The following HERC1 variants were observed in gnomAD, a reference collection of about 807,000 sequenced individuals.
The protein encoded by HERC1 is HECT and RLD domain containing E3 ubiquitin protein ligase family member 1.
In HERC1, 160 loss-of-function variants were observed where a neutral mutation model predicts 554.3. The ratio of observed to expected loss-of-function variants is 0.29; its 90% CI spans 0.25 to 0.33. The LOEUF is 0.33. HERC1 is among the 10% of genes least tolerant of loss of function. The pLI is 1.00. For synonymous variants in HERC1, 2,175 were observed against 2,131.7 expected (o/e 1.02, Z -0.56); for missense variants, 4,919 against 5,918.5 (o/e 0.83, Z 5.54).
Position 63,706,773 on chromosome 15 carries a change from C to A in HERC1, c.4636+7G>T. ...ATATTTACTATGTTCTTAATACTTACACTTACCTCTCTTTCTGTGAGATGC... is the reference window on the plus strand; with the variant it reads ...ATATTTACTATGTTCTTAATACTTAAACTTACCTCTCTTTCTGTGAGATGC... On this transcript the variant is annotated splice_region_variant and intron_variant, in intron 25 of 77. Transcript: ENST00000443617. 1.3e-6 allele frequency: 2 copies of A among 1,514,822 alleles called. No homozygotes were observed. Among genetic ancestry groups the A allele is most frequent in the Non-Finnish European group, 1.8e-6 (2 of 1,116,604 alleles). The allele number at this position is 1,514,822 out of a possible 1,614,324, so 93.8% of individuals were successfully genotyped here. A position where few individuals can be genotyped will look rare whatever the true frequency, so the allele number is the denominator to read the frequency against.
rs1018802211 is a variant in HERC1 at position 63,751,146 on chromosome 15, G to A, written c.1903-1355C>T. Among the ~76,000 whole-genome samples, 6 of 152,072 alleles carry A rather than the reference G, an allele frequency of 3.9e-5. No homozygotes were observed. In the East Asian group the frequency reaches 7.7e-4, roughly 19 times the overall value. ...TATCATATACACTCATGCACCATTC[G>A]GTCAATAGCAGACCACATTATACAA... On this transcript the variant is annotated intron_variant, in intron 8 of 77. Transcript: ENST00000443617.
intron 34 of HERC1, among the ~76,000 whole-genome samples, chr15:63,686,021 C>T (rs541254022): frequency 6.6e-6 from 1 of 152,310 alleles, no homozygotes; most frequent in Non-Finnish European, 1.5e-5. Flanking sequence ...CACTGAATCT[C>T]TAATGGGCTT....
At position 63,812,869 on chromosome 15, in the gene HERC1, G is replaced by A. The variant is rs370630668; in HGVS notation, c.-27+20958C>T. Among the ~76,000 whole-genome samples the A allele has an allele frequency of 5.7e-4, 86 of 152,190 alleles. 1 individual carries two copies. The highest frequency in any genetic ancestry group is 1.9e-3 in the African/African-American group (78 of 41,554). On this transcript the variant is annotated intron_variant, in intron 1 of 77. Coordinates refer to ENST00000443617, the MANE Select transcript of HERC1 (RefSeq NM_003922.4). Reference sequence around the variant, plus strand: ...GACATGCCACATTCCTAGATTCGAAGACTAAATATTATAAAATGTCAACTG... The same window carrying A: ...GACATGCCACATTCCTAGATTCGAAAACTAAATATTATAAAATGTCAACTG...
chr15:63,666,278 C>G (rs1046142024), intron 41 of HERC1, 78 bp downstream of exon 41: 3 of 1,376,848 alleles, frequency 2.2e-6, no homozygotes, highest in African/African-American at 2.9e-5. Context: ...GTTTCATAGC[C>G]TCTTAAAAGT....
chr15:63,707,758 A>G (rs140649190), intron 24 of HERC1, among the ~76,000 whole-genome samples: 3,846 of 151,894 alleles, frequency 0.025, 151 homozygotes, highest in African/African-American at 0.089. Flanking sequence ...GTGAAACCCC[A>G]TCTCCACTAA....
Position 63,729,632 on chromosome 15 carries a change from C to T in HERC1, c.2886G>A (p.Glu962=), listed in dbSNP as rs754961931. 3.2e-5 allele frequency: 51 copies of T among 1,613,764 alleles called. No homozygotes were observed. Among genetic ancestry groups the T allele is most frequent in the Non-Finnish European group, 4.2e-5 (49 of 1,179,742 alleles). The change falls in exon 15 of 78, where the codon GAG becomes GAA. Residue 962 remains glutamate (E), a synonymous_variant. Coordinates refer to ENST00000443617, the MANE Select transcript of HERC1 (RefSeq NM_003922.4). ...GAAATTTATCACTATTCTTTTCTAG[C>T]TCTCCAAATGCTTGATCCTAAAATG... ...LGFYTDQAFG[E]LEKNSDKFLL...
In HERC1 at chr15:63,665,915, T is replaced by A. The variant is rs777591041; in HGVS notation, c.8555+4A>T. On this transcript the variant is annotated splice_donor_region_variant and intron_variant, in intron 42 of 77. Transcript: ENST00000443617. ...GAACAAAAGTACAGAAACTGGAATT[T>A]CACCTTTCACTAAAACCTTCCTCCA... 1 of 1,604,972 alleles carries A rather than the reference T, an allele frequency of 6.2e-7. No homozygotes were observed. The highest frequency in any genetic ancestry group is 8.5e-7 in the Non-Finnish European group (1 of 1,173,000).
Position 63,615,887 on chromosome 15 carries a change from C to T in HERC1, c.13975G>A (p.Ala4659Thr). ...ATTATAGGAACCATTTTGCCATCAG[C>T]ACTCTGGCCAACAAAAGAATCAAGA... ...IPLDSFVGQS[A>T]DGKMVPIIPG... is the part of the protein sequence containing the mutation. Residue 4659 changes from alanine to threonine, a missense_variant, in exon 76 of 78, where the codon GCT becomes ACT. This residue lies in a region of HERC1 where 284 missense variants were observed against 294.1 expected (regional missense o/e 0.97). Coordinates refer to ENST00000443617, the MANE Select transcript of HERC1 (RefSeq NM_003922.4). 1 of 1,599,372 alleles carries T rather than the reference C, an allele frequency of 6.3e-7. No homozygotes were observed. The highest frequency in any genetic ancestry group is 8.5e-7 in the Non-Finnish European group (1 of 1,174,552).
chr15:63,646,052 T>C (rs528552721), intron 55 of HERC1, among the ~76,000 whole-genome samples: 7 of 152,338 alleles, frequency 4.6e-5, no homozygotes, highest in South Asian at 2.1e-4. Context: ...CTTAAAAAAA[T>C]GCACCCCTTA....
intron 73 of HERC1, 23 bp downstream of exon 73, chr15:63,623,702 C>A: frequency 8.1e-6 from 13 of 1,611,516 alleles, no homozygotes; most frequent in African/African-American, 2.7e-5. Flanking sequence ...GATAACTCAG[C>A]AGGGGACACT....
chr15:63,612,456 T>A lies in HERC1; in HGVS notation c.14195A>T (p.Glu4732Val). Reference sequence around the variant, plus strand: ...TTTCTTCAAGACTTCCACAGAGATCTCGGGCATCCCACACACCATCTGCTC... The same window carrying A: ...TTTCTTCAAGACTTCCACAGAGATCACGGGCATCCCACACACCATCTGCTC... Reference protein sequence around the residue: ...QLEQMVCGMPEISVEVLKKVV... With the variant: ...QLEQMVCGMPVISVEVLKKVV... Residue 4732 changes from glutamate (E) to valine (V), a missense_variant, in exon 77 of 78, where the codon GAG (glutamate) becomes GTG (valine). Physicochemically the swap from Glu to Val is moderately radical, Grantham distance 121. Around this residue, in one of 11 missense-constraint regions of HERC1, gnomAD observed 284 missense variants for 294.1 expected, o/e 0.97. Transcript: ENST00000443617. The surrounding 1 kb of genome is among the most constrained non-coding windows in gnomAD (Gnocchi z 5.0). 6.2e-7 allele frequency: 1 copy of A among 1,614,026 alleles called. No individual in the cohort carries two copies. Among genetic ancestry groups the A allele is most frequent in the South Asian group, 1.1e-5 (1 of 91,092 alleles).
At chr15:63,657,264 T>TG (rs1339506445) in intron 48 of HERC1, among the ~76,000 whole-genome samples, 1 of 150,172 alleles carries the variant, frequency 6.7e-6, no homozygotes, top group Non-Finnish European at 1.5e-5. Flanking sequence ...TCTTAGGTTT[T>TG]TTTTTTTTTT....
At chr15:63,698,583 A>C (rs1275844715) in intron 26 of HERC1, 145 bp downstream of exon 26, 1 of 751,828 alleles carries the variant, frequency 1.3e-6, no homozygotes, top group Admixed American at 2.9e-5. Flanking sequence ...GTTCTAGTGA[A>C]GAATGTTATG....
intron 12 of HERC1, among the ~76,000 whole-genome samples, chr15:63,739,359 G>A (rs1170838591): frequency 1.3e-5 from 2 of 151,660 alleles, no homozygotes; most frequent in Non-Finnish European, 2.9e-5. Context: ...CACAACGCCA[G>A]GCTAATTTTT....
Position 63,643,006 on chromosome 15 carries a change from G to A in HERC1, c.11384C>T (p.Thr3795Ile). 3.1e-6 allele frequency: 5 copies of A among 1,613,018 alleles called. No homozygotes were observed. The highest frequency in any genetic ancestry group is 4.2e-6 in the Non-Finnish European group (5 of 1,179,252). The part of the protein sequence containing the change: ...VVIGSGAIQT[T>I]VWIPEVGVAA... ...TACTCCAACTTCTGGAATCCATACT[G>A]TGGTCTGAATAGCTCCAGAGCCTAT... The change falls in exon 59 of 78, where the codon ACA (threonine) becomes ATA (isoleucine). Residue 3795 changes from threonine (T) to isoleucine (I), a missense_variant. By Grantham distance (89) the Thr-to-Ile change is moderately conservative. Coordinates refer to ENST00000443617, the MANE Select transcript of HERC1 (RefSeq NM_003922.4).
chr15:63,691,072 A>T (rs1344174636), intron 31 of HERC1, among the ~76,000 whole-genome samples: 1 of 152,210 alleles, frequency 6.6e-6, no homozygotes. Context: ...TCCAAAGCTC[A>T]TGCTTATTAT....
At chr15:63,799,806 C>G (rs1303877490) in intron 1 of HERC1, among the ~76,000 whole-genome samples, 2 of 152,028 alleles carry the variant, frequency 1.3e-5, no homozygotes, top group African/African-American at 4.8e-5. Context: ...ATTCTCTAAG[C>G]AGGTTTCAGG....
At position 63,694,106 on chromosome 15, in the gene HERC1, T is replaced by C. The variant is rs2072272810; in HGVS notation, c.5532A>G (p.Leu1844=). ...ATAAATTCTTCAACTGACTACAGAG[T>C]AGATCCAACAAGGATTGAACTACTT... ...SPKVVQSLLD[L]LCSQLKNLLS... Residue 1844 remains leucine (L), a synonymous_variant, in exon 30 of 78, where the codon CTA becomes CTG. Transcript: ENST00000443617. The surrounding 1 kb of genome is among the most constrained non-coding windows in gnomAD (Gnocchi z 4.3). 13 of 1,610,366 alleles carry C rather than the reference T, an allele frequency of 8.1e-6. No homozygotes were observed. Among genetic ancestry groups the C allele is most frequent in the African/African-American group, 2.7e-5 (2 of 74,848 alleles).
chr15:63,825,887 C>T (rs771303769), intron 1 of HERC1, among the ~76,000 whole-genome samples: 17 of 152,028 alleles, frequency 1.1e-4, no homozygotes, highest in Non-Finnish European at 1.6e-4. Context: ...CTCAGCCTCC[C>T]GAGTAGCTGG....
Sources: allele counts gnomAD v4.1 joint callset (sites outside exome capture counted in the v4.1 genomes callset), GRCh38; gene constraint gnomAD v4.1.1; regional missense constraint gnomAD v4.1.1; non-coding constraint Gnocchi (gnomAD v3.1); transcripts MANE v1.5; gene names NCBI Gene and HGNC (gene_info 2026-07-23, HGNC 2026-07-21).